Variants in IFTAP observed in about 807,000 individuals in gnomAD.
The protein encoded by IFTAP is intraflagellar transport-associated protein.
IFTAP carries 19 observed loss-of-function variants against 19.4 expected under a neutral mutation model. That is an observed-to-expected ratio of 0.98 (90% CI 0.68 to 1.44). IFTAP has a LOEUF of 1.44. Among genes scored for constraint, IFTAP ranks in the 40% most tolerant of loss-of-function variants. The pLI is 0.00. For synonymous variants in IFTAP, 85 were observed against 83.5 expected, an observed-to-expected ratio of 1.02 and a Z score of -0.10; for missense variants, 240 against 253.6, an observed-to-expected ratio of 0.95 and a Z score of 0.36.
chr11:36,633,539 A>G lies in IFTAP; in HGVS notation c.291+101A>G, dbSNP rs3758874. ...CTACTAAACACTAGACAGTTATTAG[A>G]TCTGTAATTCCTAATTCTAGAAGGA... is the stretch of plus-strand genomic sequence containing the variant. On this transcript the variant is annotated intron_variant, in intron 3 of 5. Coordinates refer to ENST00000334307, the MANE Select transcript of IFTAP (RefSeq NM_138787.4). 121,879 of 905,980 alleles carry G rather than the reference A, an allele frequency of 0.13. 13,024 individuals are homozygous for G. The highest frequency in any genetic ancestry group is 0.6 in the East Asian group (19,095 of 32,004). 56.1% of individuals were successfully genotyped at this position (905,980 alleles called of 1,614,324 possible). A position where few individuals can be genotyped will look rare whatever the true frequency, so the allele number is the denominator to read the frequency against.
intron 4 of IFTAP, among the ~76,000 whole-genome samples, chr11:36,641,806 T>G (rs1853214756): frequency 6.6e-6 from 1 of 152,178 alleles, no homozygotes; most frequent in Non-Finnish European, 1.5e-5. Context: ...CGTGCAAAGC[T>G]GAGTTCAATT....
rs566241271 is a variant in IFTAP at position 36,623,304 on chromosome 11, A to G, written c.137-9980A>G. ...CAACACTTTTTGTCCATTTTTGTAT[A>G]TATTATATTTTTTTATGAATAAGGT... On this transcript the variant is annotated intron_variant, in intron 2 of 5. Coordinates refer to ENST00000334307, the MANE Select transcript of IFTAP (RefSeq NM_138787.4). Among the ~76,000 whole-genome samples the G allele has an allele frequency of 2.7e-5, 4 of 149,206 alleles. No homozygotes were observed. In the South Asian group the frequency reaches 8.4e-4, roughly 32 times the overall value.
At chr11:36,630,723 A>T (rs1363920428) in intron 2 of IFTAP, among the ~76,000 whole-genome samples, 1 of 151,364 alleles carries the variant, frequency 6.6e-6, no homozygotes, top group African/African-American at 2.5e-5. Flanking sequence ...TCAATAGATT[A>T]TTACAATAGT....
chr11:36,602,535 G>A (rs1482292043), intron 1 of IFTAP, among the ~76,000 whole-genome samples: 3 of 152,142 alleles, frequency 2.0e-5, no homozygotes, highest in African/African-American at 7.2e-5. Flanking sequence ...TTGAAATATT[G>A]TGTGATTATA....
intron 2 of IFTAP, among the ~76,000 whole-genome samples, chr11:36,610,771 A>G (rs1260273909): frequency 6.6e-6 from 1 of 152,256 alleles, no homozygotes; most frequent in East Asian, 1.9e-4. Context: ...TGACTAATAC[A>G]TAATAAGTAC....
intron 2 of IFTAP, among the ~76,000 whole-genome samples, chr11:36,616,773 A>T (rs1489015731): frequency 6.6e-6 from 1 of 151,990 alleles, no homozygotes; most frequent in Non-Finnish European, 1.5e-5. Flanking sequence ...CACAGTAGCT[A>T]CTAGCAACAT....
At chr11:36,609,064 G>C (rs1851788239) in intron 1 of IFTAP, among the ~76,000 whole-genome samples, 1 of 152,164 alleles carries the variant, frequency 6.6e-6, no homozygotes, top group African/African-American at 2.4e-5. Flanking sequence ...TTATGTCTCT[G>C]AGTCTAGTAG....
chr11:36,602,108 A>G lies in IFTAP; in HGVS notation c.-24+7516A>G, dbSNP rs113160353. Among the ~76,000 whole-genome samples, 1,338 of 152,358 alleles carry G rather than the reference A, an allele frequency of 8.8e-3. 15 individuals carry two copies. The highest frequency in any genetic ancestry group is 0.01 in the Non-Finnish European group (711 of 68,030). On this transcript the variant is annotated intron_variant, in intron 1 of 5. Transcript: ENST00000334307. ...CTGGGGAAGCATTGTATTACCTCTTATAGCCCATTTATTATTCCACAGTCT... is the reference window on the plus strand; with the variant it reads ...CTGGGGAAGCATTGTATTACCTCTTGTAGCCCATTTATTATTCCACAGTCT...
At chr11:36,632,559 T>C (rs1852767770) in intron 2 of IFTAP, among the ~76,000 whole-genome samples, 1 of 151,358 alleles carries the variant, frequency 6.6e-6, no homozygotes, top group Non-Finnish European at 1.5e-5. Context: ...AGGATTACTC[T>C]TAGATGCTTT....
intron 2 of IFTAP, among the ~76,000 whole-genome samples, chr11:36,617,063 T>A (rs1448018581): frequency 6.6e-6 from 1 of 151,414 alleles, no homozygotes; most frequent in Non-Finnish European, 1.5e-5. Context: ...TTTTGGAGAC[T>A]TGTATAAAAA....
At chr11:36,600,648 A>G (rs1851473492) in intron 1 of IFTAP, among the ~76,000 whole-genome samples, 1 of 152,206 alleles carries the variant, frequency 6.6e-6, no homozygotes, top group Admixed American at 6.5e-5. Context: ...GAATGAAGCA[A>G]CTTTTGGTTG....
chr11:36,638,144 C>A (rs750372576), intron 4 of IFTAP, among the ~76,000 whole-genome samples: 7 of 151,970 alleles, frequency 4.6e-5, no homozygotes, highest in African/African-American at 1.7e-4. Flanking sequence ...GGCCACACCC[C>A]GCCCCACCGC....
chr11:36,597,468 T>C (rs141939252), intron 1 of IFTAP, among the ~76,000 whole-genome samples: 176 of 152,292 alleles, frequency 1.2e-3, no homozygotes, highest in African/African-American at 4.1e-3. Context: ...AGGACAGAAA[T>C]ATAGGACCAA....
At chr11:36,632,214 C>T (rs1250542176) in intron 2 of IFTAP, among the ~76,000 whole-genome samples, 1 of 151,122 alleles carries the variant, frequency 6.6e-6, no homozygotes, top group Non-Finnish European at 1.5e-5. Context: ...TGAAATGATT[C>T]ATGAGATGCT....
At chr11:36,621,010 T>C (rs114425535) in intron 2 of IFTAP, among the ~76,000 whole-genome samples, 17,204 of 152,004 alleles carry the variant, frequency 0.11, 1,140 homozygotes, top group African/African-American at 0.17. Flanking sequence ...CTACTAATAG[T>C]TAAATAAACT....
intron 2 of IFTAP, among the ~76,000 whole-genome samples, chr11:36,613,659 A>G (rs2133386076): frequency 6.6e-6 from 1 of 152,102 alleles, no homozygotes; most frequent in Non-Finnish European, 1.5e-5. Context: ...GCTTGAGATG[A>G]GTCTAGGATA....
intron 1 of IFTAP, among the ~76,000 whole-genome samples, chr11:36,601,429 A>G (rs1465862195): frequency 6.6e-6 from 1 of 152,194 alleles, no homozygotes; most frequent in Admixed American, 6.5e-5. Context: ...ATTTAAAGCA[A>G]TTAGTTAGAT....
chr11:36,617,825 C>G (rs935733570), intron 2 of IFTAP, among the ~76,000 whole-genome samples: 27 of 151,922 alleles, frequency 1.8e-4, no homozygotes, highest in Non-Finnish European at 2.9e-4. Flanking sequence ...AAATAATTTG[C>G]CTGAGGTCAG....
chr11:36,639,410 T>A (rs1175652765), intron 4 of IFTAP, among the ~76,000 whole-genome samples: 1 of 152,168 alleles, frequency 6.6e-6, no homozygotes, highest in Non-Finnish European at 1.5e-5. Context: ...CATTTTCAGG[T>A]TCTCCAGTAC....
Sources: gnomAD v4.1 joint callset for allele counts (sites outside exome capture counted in the v4.1 genomes callset) on GRCh38, gnomAD v4.1.1 for gene constraint, MANE v1.5 for transcripts, NCBI Gene and HGNC (gene_info 2026-07-23, HGNC 2026-07-21) for gene names.